The following TEAD1 variants were observed in gnomAD, a reference collection of about 807,000 sequenced individuals.
TEAD1 encodes the protein TEA domain transcription factor 1, also known as transcriptional enhancer factor TEF-1.
Under a neutral mutation model 54.9 loss-of-function variants are expected in TEAD1, and 9 were observed. The observed-to-expected ratio is 0.16, with a 90% CI of 0.10 to 0.29. The LOEUF (loss-of-function observed/expected upper bound fraction) is 0.29. TEAD1 is among the 10% of genes least tolerant of loss of function. TEAD1 has a pLI of 1.00. For synonymous variants in TEAD1, 200 were observed against 187.8 expected (o/e 1.07, Z -0.53); for missense variants, 387 against 535.9 (o/e 0.72, Z 2.74).
intron 2 of TEAD1, among the ~76,000 whole-genome samples, chr11:12,703,171 C>T (rs1355114320): frequency 2.0e-5 from 3 of 152,160 alleles, no homozygotes; most frequent in African/African-American, 2.4e-5. Flanking sequence ...GTCTCAGTAT[C>T]AGTGGAGCAT....
chr11:12,905,870 A>G (rs1348562817), intron 10 of TEAD1, among the ~76,000 whole-genome samples: 1 of 152,174 alleles, frequency 6.6e-6, no homozygotes, highest in Admixed American at 6.5e-5. Flanking sequence ...CGGTCAGGCT[A>G]GACCACGTGA....
chr11:12,937,027 C>G, intron 12 of TEAD1, 82 bp from the exon 13 acceptor site: 3 of 947,782 alleles, frequency 3.2e-6, no homozygotes, highest in South Asian at 2.8e-5. Flanking sequence ...TTGTTCTTCT[C>G]CAATTAAGTC....
At chr11:12,696,212 T>C (rs1166883528) in intron 2 of TEAD1, among the ~76,000 whole-genome samples, 1 of 152,232 alleles carries the variant, frequency 6.6e-6, no homozygotes, top group Non-Finnish European at 1.5e-5. Flanking sequence ...TTTTTTGTTT[T>C]GTTTTTGTTT....
At chr11:12,918,482 A>G (rs1452191654) in intron 10 of TEAD1, among the ~76,000 whole-genome samples, 1 of 152,092 alleles carries the variant, frequency 6.6e-6, no homozygotes, top group Non-Finnish European at 1.5e-5. Flanking sequence ...TGTAATGGCA[A>G]ATTGGTTATT....
intron 2 of TEAD1, among the ~76,000 whole-genome samples, chr11:12,709,810 T>G (rs954687865): frequency 6.6e-6 from 1 of 152,184 alleles, no homozygotes; most frequent in Non-Finnish European, 1.5e-5. Context: ...ATTGCAGTTG[T>G]GAGTTACCAT....
At chr11:12,919,845 A>G (rs1948772631) in intron 10 of TEAD1, among the ~76,000 whole-genome samples, 1 of 152,180 alleles carries the variant, frequency 6.6e-6, no homozygotes, top group African/African-American at 2.4e-5. Context: ...TATTTTATAT[A>G]TAGAACATCT....
intron 10 of TEAD1, among the ~76,000 whole-genome samples, chr11:12,911,905 C>A (rs1347957657): frequency 1.3e-5 from 2 of 151,946 alleles, no homozygotes; most frequent in African/African-American, 4.8e-5. Context: ...GGAGCGTACC[C>A]TGTCTGTGGC....
intron 2 of TEAD1, among the ~76,000 whole-genome samples, chr11:12,698,083 G>A (rs1245634402): frequency 6.6e-6 from 1 of 151,348 alleles, no homozygotes; most frequent in Non-Finnish European, 1.5e-5. Context: ...TTTTATAAGT[G>A]TGTTTCTTCT....
At chr11:12,705,742 G>A (rs1188843181) in intron 2 of TEAD1, among the ~76,000 whole-genome samples, 2 of 152,158 alleles carry the variant, frequency 1.3e-5, no homozygotes, top group African/African-American at 4.8e-5. Flanking sequence ...AATATTCAAA[G>A]TGTACATTAT....
chr11:12,691,872 T>C (rs1943464399), intron 2 of TEAD1, among the ~76,000 whole-genome samples: 1 of 152,206 alleles, frequency 6.6e-6, no homozygotes, highest in South Asian at 2.1e-4. Flanking sequence ...TCTGTTTCAA[T>C]AAATATTGAT....
At chr11:12,705,718 G>A (rs891360539) in intron 2 of TEAD1, among the ~76,000 whole-genome samples, 1 of 151,996 alleles carries the variant, frequency 6.6e-6, no homozygotes, top group African/African-American at 2.4e-5. Context: ...CTTTTAGTTC[G>A]GTGCTATACA....
chr11:12,914,398 A>G (rs1411443497), intron 10 of TEAD1, among the ~76,000 whole-genome samples: 1 of 152,170 alleles, frequency 6.6e-6, no homozygotes, highest in African/African-American at 2.4e-5. Flanking sequence ...TATTATTCTT[A>G]TTTAAAACAG....
chr11:12,878,278 T>C (rs948564845), intron 5 of TEAD1, among the ~76,000 whole-genome samples: 7 of 152,226 alleles, frequency 4.6e-5, no homozygotes, highest in Admixed American at 6.5e-5. Context: ...TTTGATTTTT[T>C]AAAAACTCCT....
In TEAD1 at chr11:12,936,478, C is replaced by T. The variant is rs75957273; in HGVS notation, c.1168-631C>T. On this transcript the variant is annotated intron_variant, in intron 12 of 12. Transcript: ENST00000527636. ...GGTTAACATAGTGGTGAGGGAGGCACTCCTGCAGCTTCTCTGTCCTTGGCT... is the reference window on the plus strand; with the variant it reads ...GGTTAACATAGTGGTGAGGGAGGCATTCCTGCAGCTTCTCTGTCCTTGGCT... Among the ~76,000 whole-genome samples the T allele has an allele frequency of 2.2e-3, 339 of 152,308 alleles. 2 individuals carry two copies. The highest frequency in any genetic ancestry group is 7.5e-3 in the African/African-American group (311 of 41,566).
At chr11:12,737,282 A>C (rs1944555205) in intron 2 of TEAD1, among the ~76,000 whole-genome samples, 1 of 151,976 alleles carries the variant, frequency 6.6e-6, no homozygotes, top group Admixed American at 6.6e-5. Flanking sequence ...CAGTTCACAT[A>C]AGTCCTTAAT....
chr11:12,828,854 T>A lies in TEAD1; in HGVS notation c.203-33396T>A, dbSNP rs113506879. 3.6e-3 allele frequency among the ~76,000 whole-genome samples: 541 copies of A among 149,120 alleles called. 4 individuals carry two copies. The highest frequency in any genetic ancestry group is 0.013 in the African/African-American group (493 of 39,306). On this transcript the variant is annotated intron_variant, in intron 3 of 12. Coordinates refer to ENST00000527636, the MANE Select transcript of TEAD1 (RefSeq NM_021961.6). ...TTTTGTCCTGAATTTTTTTTTTTTT[T>A]ACCCCGTATTTCTTGAAACCTGCCT...
At chr11:12,838,785 A>G (rs190264547) in intron 3 of TEAD1, among the ~76,000 whole-genome samples, 40 of 152,314 alleles carry the variant, frequency 2.6e-4, no homozygotes, top group South Asian at 6.2e-4. Flanking sequence ...TGATTCTCTA[A>G]TATTAAAGTC....
At chr11:12,691,323 C>T (rs1485352821) in intron 2 of TEAD1, among the ~76,000 whole-genome samples, 1 of 152,088 alleles carries the variant, frequency 6.6e-6, no homozygotes, top group Non-Finnish European at 1.5e-5. Context: ...TGCTGTCCAA[C>T]CTCTTGTGTA....
chr11:12,904,875 AC>A (rs1948491950), intron 10 of TEAD1: 1 of 360,584 alleles, frequency 2.8e-6, no homozygotes. Context: ...CACACCTGTT[AC>A]GGCAAATTCA....
Sources: gnomAD v4.1 joint callset for allele counts (sites outside exome capture counted in the v4.1 genomes callset) on GRCh38, gnomAD v4.1.1 for gene constraint, MANE v1.5 for transcripts, NCBI Gene and HGNC (gene_info 2026-07-23, HGNC 2026-07-21) for gene names.